The following VWA8 variants were observed in gnomAD, a reference collection of about 807,000 sequenced individuals.
The protein encoded by VWA8 is von Willebrand factor A domain-containing protein 8.
VWA8 carries 221 observed loss-of-function variants against 241.5 expected under a neutral mutation model. The observed-to-expected ratio is 0.91, with a 90% CI of 0.82 to 1.02. The LOEUF (loss-of-function observed/expected upper bound fraction) is 1.02. Among genes scored for constraint, VWA8 ranks in the 50% least tolerant of loss-of-function variants. The pLI, the probability that VWA8 is intolerant of heterozygous loss-of-function variation, is 0.00. For missense variants in VWA8, 2,322 were observed against 2,328.7 expected (o/e 1.00, Z 0.06); for synonymous variants, 852 against 827.1 (o/e 1.03, Z -0.52).
intron 26 of VWA8, among the ~76,000 whole-genome samples, chr13:41,705,662 A>T (rs1001869365): frequency 2.6e-5 from 4 of 151,854 alleles, no homozygotes. Flanking sequence ...CTAAGTATTA[A>T]TTTTTTTTCT....
chr13:41,638,408 T>C (rs1043315357), intron 37 of VWA8, among the ~76,000 whole-genome samples: 1 of 152,094 alleles, frequency 6.6e-6, no homozygotes, highest in African/African-American at 2.4e-5. Context: ...GTGAATGAAG[T>C]TGCCTGAAAT....
intron 37 of VWA8, among the ~76,000 whole-genome samples, chr13:41,662,705 A>G (rs1199594110): frequency 6.6e-6 from 1 of 151,130 alleles, no homozygotes; most frequent in Non-Finnish European, 1.5e-5. Context: ...TATTATGATT[A>G]TACTTTAAGT....
At chr13:41,622,973 C>T (rs1004989550) in intron 37 of VWA8, among the ~76,000 whole-genome samples, 3 of 152,116 alleles carry the variant, frequency 2.0e-5, no homozygotes, top group Admixed American at 6.6e-5. Flanking sequence ...AAACAGAAGT[C>T]GGATATATCA....
chr13:41,858,377 G>T (rs970054543), intron 12 of VWA8, among the ~76,000 whole-genome samples: 54 of 152,266 alleles, frequency 3.5e-4, no homozygotes, highest in East Asian at 2.5e-3. Flanking sequence ...AGGCCAAGGT[G>T]GGGGGATCAC....
At chr13:41,958,389 T>C (rs1392320132) in intron 1 of VWA8, among the ~76,000 whole-genome samples, 1 of 152,192 alleles carries the variant, frequency 6.6e-6, no homozygotes, top group Admixed American at 6.5e-5. Context: ...ATAACAGCAG[T>C]ATATAACTTA....
intron 37 of VWA8, among the ~76,000 whole-genome samples, chr13:41,644,893 A>G (rs896424339): frequency 1.3e-5 from 2 of 152,188 alleles, no homozygotes; most frequent in Non-Finnish European, 2.9e-5. Context: ...CTATGGTAAA[A>G]CTGGTTTCAT....
intron 40 of VWA8, among the ~76,000 whole-genome samples, chr13:41,591,734 A>G (rs987338753): frequency 1.8e-4 from 27 of 148,832 alleles, no homozygotes; most frequent in African/African-American, 6.0e-4. Flanking sequence ...ATCACTGGCC[A>G]TCAGAGAAAT....
At chr13:41,625,047 T>G (rs1346804279) in intron 37 of VWA8, among the ~76,000 whole-genome samples, 1 of 151,966 alleles carries the variant, frequency 6.6e-6, no homozygotes, top group Non-Finnish European at 1.5e-5. Flanking sequence ...GACGGCCAAA[T>G]CAAGAATGCA....
chr13:41,901,889 A>AAATAT (rs1566500253), intron 4 of VWA8, among the ~76,000 whole-genome samples: 1 of 83,330 alleles, frequency 1.2e-5, no homozygotes. Flanking sequence ...AAAAAAAAAA[A>AAATAT]ATATATATAT....
chr13:41,808,525 G>A (rs1306179026), intron 17 of VWA8, among the ~76,000 whole-genome samples: 1 of 152,116 alleles, frequency 6.6e-6, no homozygotes, highest in African/African-American at 2.4e-5. Context: ...TCACTGTCAT[G>A]AGACCATCAC....
At chr13:41,757,362 G>A (rs1487215116) in intron 21 of VWA8, among the ~76,000 whole-genome samples, 3 of 151,794 alleles carry the variant, frequency 2.0e-5, no homozygotes, top group African/African-American at 7.2e-5. Flanking sequence ...AGAACCATGA[G>A]AAGATATAAA....
chr13:41,679,808 A>T (rs759646073), intron 35 of VWA8, among the ~76,000 whole-genome samples: 17 of 152,170 alleles, frequency 1.1e-4, no homozygotes, highest in African/African-American at 3.9e-4. Context: ...ATTAAGTATC[A>T]AAAAGGCTTA....
At chr13:41,679,841 C>T (rs1412429125) in intron 35 of VWA8, among the ~76,000 whole-genome samples, 1 of 147,062 alleles carries the variant, frequency 6.8e-6, no homozygotes, top group African/African-American at 2.5e-5. Context: ...CCCTGCTTTA[C>T]CCCCTACCCG....
rs765905179 is a variant in VWA8, at chr13:41,778,045, C to G, written c.2289G>C (p.Val763=). The change falls in exon 20 of 45, where the codon GTG becomes GTC. Residue 763 remains valine (V), a synonymous_variant. Transcript: ENST00000379310. ...GAAAGTCTTTCAGCATATCTTCCATCACTATCACATGCTAGAGAAAAAGGA... is the reference window on the plus strand; with the variant it reads ...GAAAGTCTTTCAGCATATCTTCCATGACTATCACATGCTAGAGAAAAAGGA... ...LFYDNIQHVI[V]MEDMLKDFLL... is the part of the protein sequence containing the mutation. 3 of 1,611,704 alleles carry G rather than the reference C, an allele frequency of 1.9e-6. No individual in the cohort carries two copies. Among genetic ancestry groups the G allele is most frequent in the South Asian group, 2.2e-5 (2 of 90,640 alleles).
chr13:41,872,957 T>C (rs966774275), intron 9 of VWA8, among the ~76,000 whole-genome samples: 6 of 152,186 alleles, frequency 3.9e-5, no homozygotes, highest in Non-Finnish European at 8.8e-5. Flanking sequence ...TGTTCTTCCA[T>C]TTGTTTGTAT....
intron 35 of VWA8, among the ~76,000 whole-genome samples, chr13:41,682,300 T>C (rs2045106124): frequency 6.6e-6 from 1 of 152,162 alleles, no homozygotes; most frequent in African/African-American, 2.4e-5. Flanking sequence ...CAAATGGTGC[T>C]GGTGCTGGAA....
intron 17 of VWA8, among the ~76,000 whole-genome samples, chr13:41,789,929 TACTCAG>T (rs1566458533): frequency 6.6e-6 from 1 of 152,194 alleles, no homozygotes; most frequent in Non-Finnish European, 1.5e-5. Flanking sequence ...GTGCCTTAAT[TACTCAG>T]GAAGGTTTTG....
chr13:41,830,636 G>A lies in VWA8; in HGVS notation c.1593C>T (p.Ile531=). The stretch of plus-strand genomic sequence containing the variant: ...CATAGAGGCTTAGCTCTCGATCATG[G>A]ATTAACCTAACAAGATAAGAAAAAA... The part of the protein sequence containing the change: ...AGTLAVLQRL[I]HDRELSLYDG... Residue 531 remains isoleucine, a synonymous_variant, in exon 14 of 45, where the codon ATC becomes ATT. Coordinates refer to ENST00000379310, the MANE Select transcript of VWA8 (RefSeq NM_015058.2). 6.2e-7 allele frequency: 1 copy of A among 1,612,676 alleles called. No individual in the cohort carries two copies. The highest frequency in any genetic ancestry group is 8.5e-7 in the Non-Finnish European group (1 of 1,179,282).
chr13:41,572,239 C>T (rs1389224288), intron 43 of VWA8, among the ~76,000 whole-genome samples: 4 of 151,776 alleles, frequency 2.6e-5, no homozygotes, highest in African/African-American at 9.7e-5. Context: ...CGCCTCTGCC[C>T]GGCTGCCCCG....
Sources: gnomAD v4.1 joint callset for allele counts (sites outside exome capture counted in the v4.1 genomes callset) on GRCh38, gnomAD v4.1.1 for gene constraint, MANE v1.5 for transcripts, NCBI Gene and HGNC (gene_info 2026-07-23, HGNC 2026-07-21) for gene names.